The following NLGN1 variants were observed in gnomAD, a reference collection of about 807,000 sequenced individuals.
NLGN1 encodes the protein neuroligin-1.
NLGN1 carries 12 observed loss-of-function variants against 65.5 expected under a neutral mutation model. That is an observed-to-expected ratio of 0.18 (90% confidence interval 0.12 to 0.30). NLGN1 has a LOEUF of 0.30. Ranked by LOEUF, NLGN1 falls within the 10% of genes least tolerant of loss-of-function variation. The pLI is 1.00. For synonymous variants in NLGN1, 350 were observed against 359.5 expected (o/e 0.97, Z 0.30); for missense variants, 750 against 1,007.1 (o/e 0.74, Z 3.46).
intron 5 of NLGN1, among the ~76,000 whole-genome samples, chr3:174,275,794 G>A (rs976658837): frequency 6.6e-6 from 1 of 151,836 alleles, no homozygotes; most frequent in Non-Finnish European, 1.5e-5. Context: ...CCTTTAAAGG[G>A]TGATTTGAAG....
chr3:173,869,620 G>A (rs1177915364), intron 4 of NLGN1, among the ~76,000 whole-genome samples: 1 of 152,042 alleles, frequency 6.6e-6, no homozygotes, highest in Non-Finnish European at 1.5e-5. Context: ...ACGTTTGCTG[G>A]TGTTCAGTAA....
chr3:173,675,842 G>GTCTCTC, intron 3 of NLGN1, among the ~76,000 whole-genome samples: 1 of 124,720 alleles, frequency 8.0e-6, no homozygotes, highest in East Asian at 2.3e-4. Flanking sequence ...CTCTGTCTCT[G>GTCTCTC]TCTCTCTCTC....
At chr3:174,182,138 A>G (rs959518176) in intron 4 of NLGN1, among the ~76,000 whole-genome samples, 1 of 152,060 alleles carries the variant, frequency 6.6e-6, no homozygotes, top group African/African-American at 2.4e-5. Flanking sequence ...AGAGCCTACC[A>G]ATCTTTTTTT....
chr3:173,506,880 C>T (rs906367801), intron 2 of NLGN1, among the ~76,000 whole-genome samples: 1 of 152,048 alleles, frequency 6.6e-6, no homozygotes, highest in African/African-American at 2.4e-5. Flanking sequence ...GGAGGAGACT[C>T]TAGTTTTTAA....
chr3:174,208,746 A>G (rs1449813507), intron 4 of NLGN1, among the ~76,000 whole-genome samples: 1 of 152,110 alleles, frequency 6.6e-6, no homozygotes, highest in Non-Finnish European at 1.5e-5. Context: ...CCTCAATTCA[A>G]TCAGCAAAGG....
intron 4 of NLGN1, among the ~76,000 whole-genome samples, chr3:174,257,934 A>AGTAATTTTTATAATTACCTTTT (rs1044748511): frequency 6.6e-6 from 1 of 151,016 alleles, no homozygotes; most frequent in African/African-American, 2.4e-5. Context: ...TTCGAAAAAT[A>AGTAATTTTTATAATTACCTTTT]GTAATTTTTA....
chr3:173,947,586 A>C (rs1747436424), intron 4 of NLGN1, among the ~76,000 whole-genome samples: 1 of 152,198 alleles, frequency 6.6e-6, no homozygotes, highest in Admixed American at 6.5e-5. Context: ...ACATGGATTA[A>C]TTTTATGGAT....
intron 4 of NLGN1, among the ~76,000 whole-genome samples, chr3:174,098,174 G>A (rs1282803526): frequency 1.3e-5 from 2 of 152,298 alleles, no homozygotes; most frequent in Non-Finnish European, 2.9e-5. Flanking sequence ...AGCTCTTAAT[G>A]AGATTATCCA....
At chr3:173,669,501 A>G (rs1276270985) in intron 3 of NLGN1, among the ~76,000 whole-genome samples, 2 of 152,150 alleles carry the variant, frequency 1.3e-5, no homozygotes, top group Non-Finnish European at 2.9e-5. Context: ...TGTGTGCATG[A>G]CTGTCTCTCC....
At chr3:173,568,570 A>T (rs929330759) in intron 2 of NLGN1, among the ~76,000 whole-genome samples, 3 of 152,150 alleles carry the variant, frequency 2.0e-5, no homozygotes, top group Non-Finnish European at 4.4e-5. Context: ...TCCTAATTGA[A>T]ATTTTACATT....
chr3:174,243,029 T>G (rs901214195), intron 4 of NLGN1, among the ~76,000 whole-genome samples: 2 of 152,240 alleles, frequency 1.3e-5, no homozygotes, highest in African/African-American at 4.8e-5. Flanking sequence ...TTTTATTTTT[T>G]CTATGTCCTT....
intron 3 of NLGN1, chr3:173,644,820 C>G (rs2149605041): frequency 6.5e-6 from 1 of 153,102 alleles, no homozygotes; most frequent in South Asian, 2.1e-4. Context: ...AAGCCCTGCC[C>G]TGGCCAGGCC....
intron 2 of NLGN1, among the ~76,000 whole-genome samples, chr3:173,508,867 G>A (rs992671360): frequency 7.9e-5 from 12 of 152,126 alleles, no homozygotes; most frequent in African/African-American, 2.4e-4. Context: ...AGCCCAGCCC[G>A]AACTCTTTTC....
At chr3:173,690,768 TA>T (rs1442894203) in intron 3 of NLGN1, among the ~76,000 whole-genome samples, 1 of 152,166 alleles carries the variant, frequency 6.6e-6, no homozygotes, top group African/African-American at 2.4e-5. Flanking sequence ...ATAGATTTTT[TA>T]AAAAGATAAA....
In NLGN1 at chr3:173,501,715, A is replaced by T. The variant is rs959840989; in HGVS notation, c.-321+66637A>T. On this transcript the variant is annotated intron_variant, in intron 2 of 6. Transcript: ENST00000457714. ...AGAATTCTCTACGTATAGAATTTCT[A>T]TACATAAAATTCTATAAATTCTATT... 4.0e-5 allele frequency among the ~76,000 whole-genome samples: 6 copies of T among 151,268 alleles called. No homozygotes were observed. In the East Asian group the frequency reaches 1.2e-3, roughly 29 times the overall value.
intron 1 of NLGN1, among the ~76,000 whole-genome samples, chr3:173,417,039 A>C (rs796605424): frequency 6.6e-6 from 1 of 152,112 alleles, no homozygotes; most frequent in Non-Finnish European, 1.5e-5. Flanking sequence ...ACCTCTTGAG[A>C]GTACAAACTG....
chr3:174,003,130 G>C (rs1306744491), intron 4 of NLGN1, among the ~76,000 whole-genome samples: 2 of 151,976 alleles, frequency 1.3e-5, no homozygotes, highest in African/African-American at 4.8e-5. Context: ...TGAGGTGGAG[G>C]AGCTGGAAAA....
intron 4 of NLGN1, among the ~76,000 whole-genome samples, chr3:173,924,088 A>C (rs1349855291): frequency 6.6e-6 from 1 of 152,170 alleles, no homozygotes; most frequent in Non-Finnish European, 1.5e-5. Flanking sequence ...AGAAACAGAG[A>C]TCATCCATCT....
intron 4 of NLGN1, among the ~76,000 whole-genome samples, chr3:174,104,517 T>C (rs144305760): frequency 6.6e-6 from 1 of 152,162 alleles, no homozygotes; most frequent in East Asian, 1.9e-4. Context: ...CCTTTAAGTA[T>C]CTTATAATAC....
Sources: allele counts gnomAD v4.1 joint callset (sites outside exome capture counted in the v4.1 genomes callset), GRCh38; gene constraint gnomAD v4.1.1; transcripts MANE v1.5; gene names NCBI Gene and HGNC (gene_info 2026-07-23, HGNC 2026-07-21).